SNTB1: variants seen among roughly 807,000 people sequenced by gnomAD.
The protein encoded by SNTB1 is syntrophin beta 1.
Under a neutral mutation model 48.9 loss-of-function variants are expected in SNTB1, and 36 were observed. That is an observed-to-expected ratio of 0.74 (90% CI 0.56 to 0.97). The LOEUF (loss-of-function observed/expected upper bound fraction) is 0.97. Among genes scored for constraint, SNTB1 ranks in the 50% least tolerant of loss-of-function variants. The probability of loss-of-function intolerance (pLI) is 0.00; values close to 1 mark genes in which losing one functional copy is unlikely to be tolerated. For missense variants in SNTB1, 786 were observed against 703.4 expected, an observed-to-expected ratio of 1.12 and a Z score of -1.33; for synonymous variants, 299 against 294.6, an observed-to-expected ratio of 1.01 and a Z score of -0.15.
rs1302260055 is a variant in SNTB1 at position 120,538,488 on chromosome 8, T to C, written c.*389A>G. ...TAGGAGGAGTAGGTAAGAATGTCCATTTCTCAACTATTCGGCCCTTGCGTA... is the reference window on the plus strand; with the variant it reads ...TAGGAGGAGTAGGTAAGAATGTCCACTTCTCAACTATTCGGCCCTTGCGTA... On this transcript the variant is annotated 3_prime_UTR_variant, in exon 7 of 7. Coordinates refer to ENST00000517992, the MANE Select transcript of SNTB1 (RefSeq NM_021021.4). The C allele has an allele frequency of 2.9e-6, 1 of 341,166 alleles. No individual in the cohort carries two copies. The highest frequency in any genetic ancestry group is 2.1e-5 in the African/African-American group (1 of 47,174). 21.1% of individuals were successfully genotyped at this position (341,166 alleles called of 1,614,324 possible). A position where few individuals can be genotyped will look rare whatever the true frequency, so the allele number is the denominator to read the frequency against.
intron 5 of SNTB1, among the ~76,000 whole-genome samples, chr8:120,548,009 G>C (rs28520129): frequency 0.067 from 10,251 of 152,174 alleles, 742 homozygotes; most frequent in African/African-American, 0.18. Flanking sequence ...CTTGGTGGAA[G>C]GTGTTTGGGT....
At chr8:120,806,154 G>A (rs1394482515) in intron 1 of SNTB1, among the ~76,000 whole-genome samples, 1 of 152,342 alleles carries the variant, frequency 6.6e-6, no homozygotes, top group African/African-American at 2.4e-5. Context: ...GAAGGTGGGG[G>A]GGTCCACACC....
At chr8:120,692,855 G>A (rs1367444831) in intron 2 of SNTB1, among the ~76,000 whole-genome samples, 2 of 152,148 alleles carry the variant, frequency 1.3e-5, no homozygotes, top group East Asian at 3.8e-4. Flanking sequence ...TTCATGGAAG[G>A]TTTTCCTGTA....
chr8:120,580,976 C>T (rs1816038388), intron 3 of SNTB1, among the ~76,000 whole-genome samples: 1 of 151,846 alleles, frequency 6.6e-6, no homozygotes, highest in South Asian at 2.1e-4. Context: ...GTAACCCCAG[C>T]TACTTGAGAG....
chr8:120,569,475 TG>T (rs1815808075), intron 4 of SNTB1, among the ~76,000 whole-genome samples: 1 of 152,254 alleles, frequency 6.6e-6, no homozygotes, highest in African/African-American at 2.4e-5. Flanking sequence ...TCCCATTTAC[TG>T]TTTCTGCACA....
At chr8:120,784,107 C>T (rs1411469785) in intron 1 of SNTB1, among the ~76,000 whole-genome samples, 2 of 152,098 alleles carry the variant, frequency 1.3e-5, no homozygotes, top group African/African-American at 4.8e-5. Flanking sequence ...AATTCTCCTG[C>T]CTCAGCTTCC....
chr8:120,540,525 G>T (rs962606020), intron 6 of SNTB1, among the ~76,000 whole-genome samples: 2 of 152,210 alleles, frequency 1.3e-5, no homozygotes, highest in Non-Finnish European at 2.9e-5. Context: ...TTGCTAGAGA[G>T]TAGTCACCTT....
chr8:120,779,000 A>G (rs1316297250), intron 1 of SNTB1, among the ~76,000 whole-genome samples: 1 of 152,080 alleles, frequency 6.6e-6, no homozygotes, highest in Admixed American at 6.6e-5. Context: ...TTATTCATTT[A>G]TTTATCAGGC....
chr8:120,692,599 G>A (rs183658358), intron 2 of SNTB1, among the ~76,000 whole-genome samples: 2 of 152,188 alleles, frequency 1.3e-5, no homozygotes, highest in East Asian at 3.9e-4. Flanking sequence ...ATTGCCATGG[G>A]TTGGGTGATA....
intron 1 of SNTB1, among the ~76,000 whole-genome samples, chr8:120,716,962 C>T (rs2129935506): frequency 6.6e-6 from 1 of 152,298 alleles, no homozygotes; most frequent in Non-Finnish European, 1.5e-5. Context: ...ATGAGCTACT[C>T]CTCTCTGCAG....
chr8:120,708,243 T>C (rs988678179), intron 1 of SNTB1, among the ~76,000 whole-genome samples: 5 of 151,734 alleles, frequency 3.3e-5, no homozygotes, highest in African/African-American at 9.7e-5. Flanking sequence ...ATAGAGAGCA[T>C]GGTTAGTCTT....
chr8:120,765,236 A>AAAACC (rs1819501257), intron 1 of SNTB1, among the ~76,000 whole-genome samples: 1 of 152,142 alleles, frequency 6.6e-6, no homozygotes, highest in South Asian at 2.1e-4. Context: ...AAAACAAAAC[A>AAAACC]AAACCAAACC....
At chr8:120,780,737 A>T (rs922954360) in intron 1 of SNTB1, among the ~76,000 whole-genome samples, 1 of 152,254 alleles carries the variant, frequency 6.6e-6, no homozygotes, top group Non-Finnish European at 1.5e-5. Context: ...TGACATCTTC[A>T]TAGCAGTTTA....
intron 1 of SNTB1, among the ~76,000 whole-genome samples, chr8:120,779,483 C>A (rs1054618414): frequency 1.3e-5 from 2 of 152,024 alleles, no homozygotes; most frequent in South Asian, 2.1e-4. Context: ...AGCCTGGCAA[C>A]AGAGTGAGAC....
rs1423669312 is a variant in SNTB1, at chr8:120,577,094, AG to A, written c.997-1870del. Among the ~76,000 whole-genome samples the A allele has an allele frequency of 2.6e-5, 4 of 152,342 alleles. No individual in the cohort carries two copies. The East Asian group carries it at 7.7e-4, about 29-fold the overall frequency. The stretch of plus-strand genomic sequence containing the variant: ...TTTCCTTGGGAAAAATTATAAGACA[AG>A]CCAAAAATAAGCTTGGTGCTAACAA... On this transcript the variant is annotated intron_variant, in intron 3 of 6. Transcript: ENST00000517992.
chr8:120,635,327 C>T (rs535356797), intron 2 of SNTB1, among the ~76,000 whole-genome samples: 4 of 152,260 alleles, frequency 2.6e-5, no homozygotes, highest in South Asian at 2.1e-4. Context: ...GAGAGCTCAA[C>T]GTGTTTTTCT....
At position 120,657,412 on chromosome 8, in the gene SNTB1, C is replaced by A. The variant is rs1296805987; in HGVS notation, c.789-24761G>T. ...AACTTTGATTAAATGGTAGCGGTTG[C>A]CTGAAATGATGTCTTGAAAGGAATC... On this transcript the variant is annotated intron_variant, in intron 2 of 6. Transcript: ENST00000517992. 4.6e-5 allele frequency among the ~76,000 whole-genome samples: 7 copies of A among 152,110 alleles called. No homozygotes were observed. The East Asian group carries it at 1.3e-3, about 29-fold the overall frequency.
intron 3 of SNTB1, among the ~76,000 whole-genome samples, chr8:120,581,193 A>C (rs1002340223): frequency 2.6e-5 from 4 of 152,150 alleles, no homozygotes; most frequent in Admixed American, 2.6e-4. Flanking sequence ...ATGAGAAAAA[A>C]GGCCAGAAAA....
At chr8:120,757,799 C>T (rs1461238622) in intron 1 of SNTB1, among the ~76,000 whole-genome samples, 1 of 152,116 alleles carries the variant, frequency 6.6e-6, no homozygotes, top group Admixed American at 6.6e-5. Context: ...TTCTCCCTAC[C>T]ATGGGGAACT....
Sources: gnomAD v4.1 joint callset for allele counts (sites outside exome capture counted in the v4.1 genomes callset) on GRCh38, gnomAD v4.1.1 for gene constraint, MANE v1.5 for transcripts, NCBI Gene and HGNC (gene_info 2026-07-23, HGNC 2026-07-21) for gene names.